LOC128462377: variants seen among roughly 807,000 people sequenced by gnomAD.
the LOC128462377 span, among the ~76,000 whole-genome samples, chr16:89,322,523 G>A: frequency 1.3e-5 from 2 of 152,240 alleles, no homozygotes; most frequent in Non-Finnish European, 2.9e-5. Context: ...GAGGAAGACA[G>A]GAAGTCAGCA....
At chr16:89,346,952 T>C in the LOC128462377 span, among the ~76,000 whole-genome samples, 1 of 152,184 alleles carries the variant, frequency 6.6e-6, no homozygotes, top group South Asian at 2.1e-4. Flanking sequence ...CACGACACAA[T>C]AGGAAAGCAA....
chr16:89,397,603 C>T, the LOC128462377 span, among the ~76,000 whole-genome samples: 1 of 152,250 alleles, frequency 6.6e-6, no homozygotes, highest in Non-Finnish European at 1.5e-5. Context: ...GCAAGGGGCC[C>T]ACCTGCCTCA....
At chr16:89,358,013 G>A in the LOC128462377 span, among the ~76,000 whole-genome samples, 1 of 152,240 alleles carries the variant, frequency 6.6e-6, no homozygotes, top group African/African-American at 2.4e-5. Context: ...GCCAGTAAAT[G>A]CTTCCTTTCC....
the LOC128462377 span, among the ~76,000 whole-genome samples, chr16:89,353,446 A>T: frequency 6.6e-6 from 1 of 152,134 alleles, no homozygotes; most frequent in African/African-American, 2.4e-5. Context: ...CAGTAAGAGG[A>T]ACACCAGTCC....
At chr16:89,390,923 C>A in the LOC128462377 span, among the ~76,000 whole-genome samples, 5 of 152,274 alleles carry the variant, frequency 3.3e-5, no homozygotes, top group South Asian at 1.0e-3. Context: ...TTGTGTGAGC[C>A]ACTCTCATAA....
At chr16:89,333,728 C>A in the LOC128462377 span, among the ~76,000 whole-genome samples, 1 of 152,180 alleles carries the variant, frequency 6.6e-6, no homozygotes, top group African/African-American at 2.4e-5. Context: ...GATCCATTCA[C>A]CCTCTGCAGG....
the LOC128462377 span, among the ~76,000 whole-genome samples, chr16:89,329,399 G>GA: frequency 6.6e-5 from 10 of 151,750 alleles, no homozygotes; most frequent in Admixed American, 5.2e-4. Context: ...CAGAAAAAAG[G>GA]AAAAAAAAGG....
At chr16:89,382,732 G>A in the LOC128462377 span, among the ~76,000 whole-genome samples, 7 of 152,118 alleles carry the variant, frequency 4.6e-5, no homozygotes, top group Admixed American at 3.3e-4. Context: ...CTCCTGCCTC[G>A]GCCTCCCAAA....
chr16:89,391,709 G>C, the LOC128462377 span, among the ~76,000 whole-genome samples: 68 of 152,314 alleles, frequency 4.5e-4, no homozygotes, highest in Non-Finnish European at 2.8e-4. Flanking sequence ...AGCTGACAGA[G>C]AATCAGTAAG....
the LOC128462377 span, among the ~76,000 whole-genome samples, chr16:89,388,152 A>C: frequency 6.6e-6 from 1 of 152,164 alleles, no homozygotes; most frequent in African/African-American, 2.4e-5. Flanking sequence ...ACATAAACAT[A>C]ACCACAGTGA....
the LOC128462377 span, among the ~76,000 whole-genome samples, chr16:89,377,571 G>A: frequency 1.3e-5 from 2 of 152,126 alleles, no homozygotes; most frequent in Non-Finnish European, 2.9e-5. Flanking sequence ...AAGACAACCT[G>A]GTGGTGATGA....
the LOC128462377 span, among the ~76,000 whole-genome samples, chr16:89,338,784 A>T: frequency 2.0e-5 from 3 of 152,064 alleles, no homozygotes; most frequent in Non-Finnish European, 4.4e-5. Context: ...TTTAAAAGAA[A>T]AAATAATCTC....
chr16:89,393,757 C>T, the LOC128462377 span, among the ~76,000 whole-genome samples: 4 of 152,084 alleles, frequency 2.6e-5, no homozygotes, highest in Non-Finnish European at 5.9e-5. Flanking sequence ...GGCCTATTGC[C>T]CTTCATTCTG....
chr16:89,353,125 T>C, the LOC128462377 span, among the ~76,000 whole-genome samples: 5 of 152,180 alleles, frequency 3.3e-5, no homozygotes, highest in East Asian at 9.7e-4. Flanking sequence ...AGGTGGATCA[T>C]GAGGTCAGGA....
chr16:89,378,546 A>G, the LOC128462377 span, among the ~76,000 whole-genome samples: 1 of 152,238 alleles, frequency 6.6e-6, no homozygotes, highest in East Asian at 1.9e-4. Flanking sequence ...ACGTGCTATA[A>G]GGCTACAGAT....
the LOC128462377 span, among the ~76,000 whole-genome samples, chr16:89,390,972 T>C: frequency 6.6e-6 from 1 of 152,160 alleles, no homozygotes; most frequent in Non-Finnish European, 1.5e-5. Flanking sequence ...CTCACGCCTG[T>C]AATCACAGCA....
At chr16:89,344,707 A>C in the LOC128462377 span, among the ~76,000 whole-genome samples, 1 of 152,092 alleles carries the variant, frequency 6.6e-6, no homozygotes, top group Non-Finnish European at 1.5e-5. Context: ...GACTGGGAAG[A>C]ACAAAGAGCT....
the LOC128462377 span, among the ~76,000 whole-genome samples, chr16:89,416,448 G>A: frequency 9.7e-4 from 148 of 152,104 alleles, 1 homozygote; most frequent in South Asian, 3.9e-3. Flanking sequence ...ACAGGCATTC[G>A]CCACCACGTC....
At chr16:89,372,226 C>G in the LOC128462377 span, among the ~76,000 whole-genome samples, 4 of 152,222 alleles carry the variant, frequency 2.6e-5, no homozygotes, top group Non-Finnish European at 4.4e-5. Flanking sequence ...ACACTCAGAG[C>G]TGGGGAAAGA....
Sources: allele counts gnomAD v4.1 joint callset (sites outside exome capture counted in the v4.1 genomes callset), GRCh38; gene constraint gnomAD v4.1.1; transcripts MANE v1.5.